The following ARL15 variants were observed in gnomAD, a reference collection of about 807,000 sequenced individuals.
ARL15 encodes the protein ARF like GTPase 15.
A neutral mutation model predicts 25.2 loss-of-function variants in ARL15; 19 were observed. That is an observed-to-expected ratio of 0.75 (90% CI 0.53 to 1.10). The LOEUF (loss-of-function observed/expected upper bound fraction) is 1.10. ARL15 is among the 50% of genes least tolerant of loss of function. The pLI is 0.00. For missense variants in ARL15, 220 were observed against 246.0 expected, an observed-to-expected ratio of 0.89 and a Z score of 0.71; for synonymous variants, 94 against 86.8, an observed-to-expected ratio of 1.08 and a Z score of -0.46.
chr5:54,228,494 AC>A (rs1756584391), intron 1 of ARL15, among the ~76,000 whole-genome samples: 2 of 60,704 alleles, frequency 3.3e-5, no homozygotes, highest in Admixed American at 1.7e-4. Flanking sequence ...TGACCCCCCC[AC>A]CCCCACCCAC....
At chr5:54,159,248 T>C (rs536327363) in intron 2 of ARL15, among the ~76,000 whole-genome samples, 2 of 152,262 alleles carry the variant, frequency 1.3e-5, no homozygotes, top group African/African-American at 4.8e-5. Flanking sequence ...GTAGAAATAA[T>C]TAATAAAATC....
In ARL15 at chr5:53,932,714, T is replaced by C. The variant is rs182401771; in HGVS notation, c.463-46001A>G. Among the ~76,000 whole-genome samples the C allele has an allele frequency of 3.9e-5, 6 of 152,340 alleles. No individual in the cohort carries two copies. The East Asian group carries it at 9.6e-4, about 24-fold the overall frequency. ...GTGCTATATTGGTTATAGGTAACAC[T>C]GGACACAGTGTCAGTGTGAAGTTAA... On this transcript the variant is annotated intron_variant, in intron 4 of 4. Coordinates refer to ENST00000504924, the MANE Select transcript of ARL15 (RefSeq NM_019087.3).
At chr5:54,146,918 T>G (rs1282597877) in intron 3 of ARL15, among the ~76,000 whole-genome samples, 1 of 152,122 alleles carries the variant, frequency 6.6e-6, no homozygotes, top group Non-Finnish European at 1.5e-5. Flanking sequence ...AAAATTAAGG[T>G]CAGGTCTACC....
At chr5:54,046,260 C>T (rs1750507940) in intron 4 of ARL15, among the ~76,000 whole-genome samples, 1 of 152,160 alleles carries the variant, frequency 6.6e-6, no homozygotes, top group Non-Finnish European at 1.5e-5. Context: ...GTGGATGGAT[C>T]ACATGAGGTC....
intron 4 of ARL15, among the ~76,000 whole-genome samples, chr5:53,910,729 A>T (rs955753767): frequency 6.8e-6 from 1 of 146,518 alleles, no homozygotes; most frequent in Non-Finnish European, 1.5e-5. Flanking sequence ...CCTATGGAAG[A>T]CACATTCTCC....
chr5:53,994,137 T>C (rs993040418), intron 4 of ARL15, among the ~76,000 whole-genome samples: 3 of 152,202 alleles, frequency 2.0e-5, no homozygotes, highest in Non-Finnish European at 4.4e-5. Flanking sequence ...TTTAACAGAT[T>C]GGTATTTTGT....
intron 1 of ARL15, among the ~76,000 whole-genome samples, chr5:54,293,255 T>C (rs1420238240): frequency 6.6e-6 from 1 of 152,198 alleles, no homozygotes; most frequent in Non-Finnish European, 1.5e-5. Flanking sequence ...CAGAACCAAA[T>C]AAACTATTTG....
chr5:54,297,940 G>A (rs146855807), intron 1 of ARL15, among the ~76,000 whole-genome samples: 196 of 152,176 alleles, frequency 1.3e-3, no homozygotes, highest in African/African-American at 4.5e-3. Context: ...ACGCTGCCAC[G>A]CCCGGCTAAT....
intron 4 of ARL15, among the ~76,000 whole-genome samples, chr5:54,076,140 G>T (rs1751593927): frequency 6.6e-6 from 1 of 152,162 alleles, no homozygotes; most frequent in African/African-American, 2.4e-5. Flanking sequence ...ATATAGGCCA[G>T]GCGCGGTGGC....
intron 4 of ARL15, among the ~76,000 whole-genome samples, chr5:54,027,341 G>T (rs1377246522): frequency 6.6e-6 from 1 of 152,178 alleles, no homozygotes; most frequent in African/African-American, 2.4e-5. Context: ...TTAACCAGTC[G>T]GAAGGCAATT....
At chr5:53,918,479 A>G (rs1302902936) in intron 4 of ARL15, among the ~76,000 whole-genome samples, 1 of 152,190 alleles carries the variant, frequency 6.6e-6, no homozygotes, top group Non-Finnish European at 1.5e-5. Flanking sequence ...GGTGTAAGTC[A>G]CTGCTGCTAG....
intron 1 of ARL15, among the ~76,000 whole-genome samples, chr5:54,299,278 G>A (rs940651531): frequency 6.6e-6 from 1 of 152,150 alleles, no homozygotes; most frequent in Admixed American, 6.5e-5. Context: ...AGCAGTGGCT[G>A]AGGCCGTAGG....
chr5:54,255,080 T>G (rs2112608403), intron 1 of ARL15, among the ~76,000 whole-genome samples: 1 of 152,332 alleles, frequency 6.6e-6, no homozygotes, highest in Admixed American at 6.5e-5. Context: ...GGCATGACCC[T>G]GTAACCTTGT....
At position 53,999,521 on chromosome 5, in the gene ARL15, G is replaced by A. The variant is rs575365686; in HGVS notation, c.463-112808C>T. Among the ~76,000 whole-genome samples the A allele has an allele frequency of 2.0e-5, 3 of 152,316 alleles. No homozygotes were observed. The East Asian group carries it at 5.8e-4, about 29-fold the overall frequency. ...ACGGAGAATCACTTGAACCCGGGAG[G>A]TGGAGGGTGCAGTGAGCCAAGATCG... On this transcript the variant is annotated intron_variant, in intron 4 of 4. Transcript: ENST00000504924.
chr5:54,106,131 T>C (rs1365435967), intron 4 of ARL15, among the ~76,000 whole-genome samples: 3 of 152,176 alleles, frequency 2.0e-5, no homozygotes, highest in African/African-American at 7.2e-5. Context: ...AACACAAATG[T>C]AGAAACATAA....
At chr5:54,235,950 A>G (rs1192849565) in intron 1 of ARL15, among the ~76,000 whole-genome samples, 3 of 152,248 alleles carry the variant, frequency 2.0e-5, no homozygotes, top group Non-Finnish European at 4.4e-5. Flanking sequence ...AAAGAACTGT[A>G]TGAAATGGGA....
At chr5:54,015,253 C>G (rs1411845593) in intron 4 of ARL15, among the ~76,000 whole-genome samples, 1 of 150,722 alleles carries the variant, frequency 6.6e-6, no homozygotes, top group Non-Finnish European at 1.5e-5. Context: ...GATCGCACCA[C>G]TGCACTCCAG....
intron 1 of ARL15, among the ~76,000 whole-genome samples, chr5:54,187,415 G>C (rs1308780474): frequency 6.6e-6 from 1 of 152,036 alleles, no homozygotes; most frequent in Non-Finnish European, 1.5e-5. Flanking sequence ...CTATACATTT[G>C]GTCCACTGGC....
intron 1 of ARL15, among the ~76,000 whole-genome samples, chr5:54,241,202 CCAG>C (rs1283759040): frequency 6.6e-6 from 1 of 152,018 alleles, no homozygotes; most frequent in African/African-American, 2.4e-5. Context: ...AAAAAATAAG[CCAG>C]CAGAACAACC....
Sources: allele counts gnomAD v4.1 joint callset (sites outside exome capture counted in the v4.1 genomes callset), GRCh38; gene constraint gnomAD v4.1.1; transcripts MANE v1.5; gene names NCBI Gene and HGNC (gene_info 2026-07-23, HGNC 2026-07-21).